Variants in MTCH2 observed in about 807,000 individuals in gnomAD.
MTCH2 encodes mitochondrial carrier 2, also known as mitochondrial carrier homolog 2.
Under a neutral mutation model 50.6 loss-of-function variants are expected in MTCH2, and 25 were observed. The ratio of observed to expected loss-of-function variants is 0.49; its 90% confidence interval spans 0.36 to 0.69. MTCH2 has a LOEUF of 0.69. Among genes scored for constraint, MTCH2 ranks in the 30% least tolerant of loss-of-function variants. The pLI, the probability that MTCH2 is intolerant of heterozygous loss-of-function variation, is 0.00. For missense variants in MTCH2, 273 were observed against 384.4 expected, an observed-to-expected ratio of 0.71 and a Z score of 2.42; for synonymous variants, 106 against 132.0, an observed-to-expected ratio of 0.80 and a Z score of 1.35.
intron 1 of MTCH2, among the ~76,000 whole-genome samples, chr11:47,642,044 G>GAA (rs540382234): frequency 1.2e-4 from 18 of 152,316 alleles, no homozygotes; most frequent in African/African-American, 4.3e-4. Context: ...CGAGAGGGAG[G>GAA]GTTCGGAAGC....
the MTCH2 span, among the ~76,000 whole-genome samples, chr11:47,607,725 A>G: frequency 1.3e-5 from 2 of 152,130 alleles, no homozygotes; most frequent in East Asian, 3.8e-4. Flanking sequence ...CCATGTGGAG[A>G]GCCCGTCGGA....
chr11:47,618,993 G>A, intron 12 of MTCH2, 74 bp from the exon 13 acceptor site: 1 of 1,303,256 alleles, frequency 7.7e-7, no homozygotes, highest in Non-Finnish European at 1.1e-6. Flanking sequence ...TCAGCAGAGA[G>A]GTCCAATTGG....
At chr11:47,616,372 T>C (rs916160899), downstream of MTCH2, among the ~76,000 whole-genome samples, 1 of 151,988 alleles carries the variant, frequency 6.6e-6, no homozygotes, top group Non-Finnish European at 1.5e-5. Flanking sequence ...TTTTCTTTTT[T>C]TTAAGAGACA....
chr11:47,632,536 T>C (rs1490631665), intron 5 of MTCH2, among the ~76,000 whole-genome samples: 1 of 151,810 alleles, frequency 6.6e-6, no homozygotes, highest in Non-Finnish European at 1.5e-5. Flanking sequence ...TTTCTTTGTA[T>C]TTTTTAGTAG....
At chr11:47,626,491 G>A (rs560030267) in intron 10 of MTCH2, among the ~76,000 whole-genome samples, 1 of 152,036 alleles carries the variant, frequency 6.6e-6, no homozygotes, top group African/African-American at 2.4e-5. Context: ...TATTATTTCG[G>A]AGGAAAGGCA....
chr11:47,631,801 GA>G, intron 5 of MTCH2, 90 bp from the exon 6 acceptor site: 1 of 1,394,478 alleles, frequency 7.2e-7, no homozygotes, highest in Non-Finnish European at 1.0e-6. Context: ...CGTGGTATAG[GA>G]TAAGAAAGTG....
Position 47,636,302 on chromosome 11 carries a change from C to T in MTCH2, c.280-731G>A, listed in dbSNP as rs553667773. On this transcript the variant is annotated intron_variant, in intron 3 of 12. Transcript: ENST00000302503. ...TACAAAAATTAGCTGGGCTTGGTGGCGGGCGCCTGTAATCCCAGCTACTTG... is the reference window on the plus strand; with the variant it reads ...TACAAAAATTAGCTGGGCTTGGTGGTGGGCGCCTGTAATCCCAGCTACTTG... Among the ~76,000 whole-genome samples the T allele has an allele frequency of 7.3e-5, 11 of 151,614 alleles. No homozygotes were observed. In the South Asian group the frequency reaches 8.4e-4, roughly 12 times the overall value.
intron 11 of MTCH2, among the ~76,000 whole-genome samples, chr11:47,623,082 GA>G (rs773548224): frequency 2.0e-4 from 30 of 152,066 alleles, no homozygotes; most frequent in Non-Finnish European, 3.7e-4. Flanking sequence ...AAAGAGCAGG[GA>G]AAGGTGGCCG....
chr11:47,634,674 CCTT>C lies in MTCH2; in HGVS notation c.364_366del (p.Lys122del), dbSNP rs2097306822. On this transcript the variant is annotated inframe_deletion, in exon 5 of 13. Transcript: ENST00000302503. The stretch of plus-strand genomic sequence containing the variant: ...ACAGGATGTAATTCATCTCTTACCT[CCTT>C]GATAACGTGGTCAAAGGAAGATGAG... 6.2e-7 allele frequency: 1 copy of C among 1,609,470 alleles called. No homozygotes were observed. Among genetic ancestry groups the C allele is most frequent in the African/African-American group, 1.3e-5 (1 of 74,738 alleles).
chr11:47,629,760 A>AC (rs1320686034), intron 8 of MTCH2, among the ~76,000 whole-genome samples: 2 of 151,938 alleles, frequency 1.3e-5, no homozygotes, highest in Non-Finnish European at 2.9e-5. Flanking sequence ...TTAAAAAAAA[A>AC]AAAACAAAAA....
chr11:47,634,190 C>T (rs1414234015), intron 5 of MTCH2, among the ~76,000 whole-genome samples: 1 of 152,128 alleles, frequency 6.6e-6, no homozygotes, highest in Non-Finnish European at 1.5e-5. Context: ...ATCTTCTCAC[C>T]GCAGCCTCTC....
At chr11:47,629,158 A>G in intron 8 of MTCH2, 112 bp from the exon 9 acceptor site, 1 of 911,864 alleles carries the variant, frequency 1.1e-6, no homozygotes, top group East Asian at 2.7e-5. Flanking sequence ...ATTCTAGGGA[A>G]GTAAAAAAGG....
At chr11:47,633,332 A>G (rs1314752634) in intron 5 of MTCH2, among the ~76,000 whole-genome samples, 37 of 133,820 alleles carry the variant, frequency 2.8e-4, no homozygotes, top group Admixed American at 2.6e-3. Flanking sequence ...GGGTGGTCTC[A>G]ATCTCCTGAC....
chr11:47,628,888 T>TA, intron 9 of MTCH2, 65 bp downstream of exon 9: 1 of 1,467,022 alleles, frequency 6.8e-7, no homozygotes, highest in Non-Finnish European at 9.5e-7. Flanking sequence ...CATCTTACTT[T>TA]AAAAGCTAAT....
At chr11:47,607,416 T>C in the MTCH2 span, among the ~76,000 whole-genome samples, 1 of 152,136 alleles carries the variant, frequency 6.6e-6, no homozygotes, top group Non-Finnish European at 1.5e-5. Flanking sequence ...TGCATCCCAC[T>C]AGAAAACAGT....
chr11:47,607,652 T>C, the MTCH2 span, among the ~76,000 whole-genome samples: 1 of 152,286 alleles, frequency 6.6e-6, no homozygotes, highest in South Asian at 2.1e-4. Flanking sequence ...GATTTTGCTC[T>C]TTCTCTGGAA....
intron 11 of MTCH2, 46 bp from the exon 12 acceptor site, chr11:47,622,822 T>G (rs1181517235): frequency 7.6e-6 from 10 of 1,308,074 alleles, no homozygotes; most frequent in Non-Finnish European, 1.1e-5. Context: ...ATATTAACCA[T>G]TCTCTTGAGA....
the MTCH2 span, among the ~76,000 whole-genome samples, chr11:47,612,261 CA>C: frequency 2.0e-5 from 3 of 150,504 alleles, no homozygotes; most frequent in Admixed American, 2.0e-4. Context: ...ACTAAAAATA[CA>C]AAAAAAAATT....
At chr11:47,626,006 C>A (rs559940578) in intron 10 of MTCH2, among the ~76,000 whole-genome samples, 152 of 152,160 alleles carry the variant, frequency 1.0e-3, no homozygotes, top group African/African-American at 3.6e-3. Flanking sequence ...CGCCACCATA[C>A]CCAACTACTT....
Sources: allele counts gnomAD v4.1 joint callset (sites outside exome capture counted in the v4.1 genomes callset), GRCh38; gene constraint gnomAD v4.1.1; transcripts MANE v1.5; gene names NCBI Gene and HGNC (gene_info 2026-07-23, HGNC 2026-07-21).